ADAM32: variants seen among roughly 807,000 people sequenced by gnomAD.
ADAM32 encodes the protein ADAM metallopeptidase domain 32.
A neutral mutation model predicts 114.9 loss-of-function variants in ADAM32; 89 were observed. The observed-to-expected ratio is 0.77, with a 90% CI of 0.65 to 0.92. The LOEUF is 0.92. Ranked by LOEUF, ADAM32 falls within the 40% of genes least tolerant of loss-of-function variation. The probability of loss-of-function intolerance (pLI) is 0.00; values close to 1 mark genes in which losing one functional copy is unlikely to be tolerated. For missense variants in ADAM32, 870 were observed against 932.8 expected (o/e 0.93, Z 0.88); for synonymous variants, 285 against 307.5 (o/e 0.93, Z 0.77).
intron 19 of ADAM32, among the ~76,000 whole-genome samples, chr8:39,264,170 G>T (rs1214206377): frequency 6.6e-6 from 1 of 152,004 alleles, no homozygotes; most frequent in Non-Finnish European, 1.5e-5. Context: ...TTGTTACAGG[G>T]TTAAATTGTG....
rs558574053 is a variant in ADAM32 at position 39,210,089 on chromosome 8, G to A, written c.1053-1055G>A. Among the ~76,000 whole-genome samples, 6 of 152,294 alleles carry A rather than the reference G, an allele frequency of 3.9e-5. No homozygotes were observed. The South Asian group carries it at 1.2e-3, about 32-fold the overall frequency. On this transcript the variant is annotated intron_variant, in intron 11 of 24. Coordinates refer to ENST00000379907, the MANE Select transcript of ADAM32 (RefSeq NM_145004.7). Reference sequence around the variant, plus strand: ...GCTGGCCAAGGCTTGGCTCTATCCTGCTGGGGTGATGAATTTTCTTCTTAG... The same window carrying A: ...GCTGGCCAAGGCTTGGCTCTATCCTACTGGGGTGATGAATTTTCTTCTTAG...
chr8:39,142,043 G>T (rs575966021), intron 3 of ADAM32, among the ~76,000 whole-genome samples: 107 of 151,962 alleles, frequency 7.0e-4, no homozygotes, highest in African/African-American at 2.5e-3. Flanking sequence ...TTTTCCATTT[G>T]CTTGGTAGAT....
chr8:39,180,852 A>G (rs1226358589), intron 10 of ADAM32, among the ~76,000 whole-genome samples: 1 of 152,134 alleles, frequency 6.6e-6, no homozygotes, highest in Non-Finnish European at 1.5e-5. Context: ...AAACACGCCA[A>G]TCAGCACCCT....
intron 14 of ADAM32, 113 bp from the exon 15 acceptor site, chr8:39,231,914 A>G (rs1356998043): frequency 5.7e-6 from 5 of 877,878 alleles, no homozygotes; most frequent in African/African-American, 1.7e-5. Flanking sequence ...TCACTAGGAA[A>G]AATGTTTCAA....
chr8:39,261,653 C>T (rs987259627), intron 19 of ADAM32, among the ~76,000 whole-genome samples: 1 of 152,046 alleles, frequency 6.6e-6, no homozygotes, highest in East Asian at 1.9e-4. Flanking sequence ...TAGTGGCTAT[C>T]CTAGTTTATA....
chr8:39,197,376 G>T (rs562782569), intron 11 of ADAM32, among the ~76,000 whole-genome samples: 24 of 151,112 alleles, frequency 1.6e-4, no homozygotes, highest in African/African-American at 2.2e-4. Flanking sequence ...TTTGGGTTTG[G>T]TTTTTTCTTG....
intron 10 of ADAM32, among the ~76,000 whole-genome samples, chr8:39,173,654 C>T (rs1250424040): frequency 6.6e-6 from 1 of 152,080 alleles, no homozygotes; most frequent in Non-Finnish European, 1.5e-5. Flanking sequence ...TCTGCAGAAG[C>T]TCTTCAGTTT....
chr8:39,254,360 C>T lies in ADAM32; in HGVS notation c.1903-54C>T, dbSNP rs769462745. 82 of 1,409,430 alleles carry T rather than the reference C, an allele frequency of 5.8e-5. No homozygotes were observed. The Middle Eastern group carries it at 1.0e-3, about 18-fold the overall frequency. The allele number at this position is 1,409,430 out of a possible 1,614,324, so 87.3% of individuals were successfully genotyped here. A position where few individuals can be genotyped will look rare whatever the true frequency, so the allele number is the denominator to read the frequency against. On this transcript the variant is annotated intron_variant, in intron 17 of 24. Transcript: ENST00000379907. The stretch of plus-strand genomic sequence containing the variant: ...GTACAAAAGTAAGCTTGATGCTCAC[C>T]TTCTCTGAGAAAATATTTTAAAACA...
chr8:39,174,879 A>C (rs1805421845), intron 10 of ADAM32, among the ~76,000 whole-genome samples: 1 of 151,610 alleles, frequency 6.6e-6, no homozygotes, highest in African/African-American at 2.4e-5. Flanking sequence ...GATTTGTAGT[A>C]CTCCTTGAAG....
chr8:39,125,198 G>GT (rs1209411669), intron 2 of ADAM32, among the ~76,000 whole-genome samples: 4 of 151,818 alleles, frequency 2.6e-5, no homozygotes, highest in South Asian at 4.1e-4. Context: ...GGAGTTTTTT[G>GT]TTTTTTTCTT....
chr8:39,244,285 A>G (rs1013340053), intron 16 of ADAM32, among the ~76,000 whole-genome samples: 7 of 152,338 alleles, frequency 4.6e-5, no homozygotes, highest in Admixed American at 2.0e-4. Context: ...TTCATATGGA[A>G]CCAAAAAAGA....
chr8:39,183,933 C>G (rs1242691717), intron 10 of ADAM32, among the ~76,000 whole-genome samples: 2 of 152,150 alleles, frequency 1.3e-5, no homozygotes, highest in African/African-American at 4.8e-5. Context: ...AAATCCATAC[C>G]TGGGATACAC....
intron 10 of ADAM32, among the ~76,000 whole-genome samples, chr8:39,176,161 G>GT (rs71613057): frequency 1.5e-4 from 23 of 151,930 alleles, no homozygotes; most frequent in African/African-American, 5.6e-4. Context: ...TTTTTTGAAG[G>GT]TTTTTTTGTG....
intron 10 of ADAM32, among the ~76,000 whole-genome samples, chr8:39,171,968 T>C (rs1302778427): frequency 6.6e-6 from 1 of 151,518 alleles, no homozygotes; most frequent in Non-Finnish European, 1.5e-5. Context: ...ACTAATTCTG[T>C]AGGGCTTTTG....
At chr8:39,189,129 A>G (rs1806437110) in intron 11 of ADAM32, among the ~76,000 whole-genome samples, 1 of 152,182 alleles carries the variant, frequency 6.6e-6, no homozygotes. Flanking sequence ...TTATTTAATT[A>G]TACTTAATTC....
At chr8:39,213,915 C>T (rs1237623948) in intron 12 of ADAM32, among the ~76,000 whole-genome samples, 4 of 152,060 alleles carry the variant, frequency 2.6e-5, no homozygotes, top group Non-Finnish European at 5.9e-5. Context: ...TTTTTAGCTC[C>T]CACAAATAAG....
In ADAM32 at chr8:39,169,924, A is replaced by T; in HGVS notation, c.842A>T (p.Asp281Val). Residue 281 changes from aspartate (D) to valine (V), a missense_variant, in exon 10 of 25, where the codon GAT becomes GTT. Asp to Val is a radical substitution (Grantham distance 152, BLOSUM62 -3). Transcript: ENST00000379907. ...TAAATTTATTTATTTAGTTATATGG[A>T]TTATCCTCGTTATTTGGGAGCAGTG... is the stretch of plus-strand genomic sequence containing the variant. ...HDIAYLLIYMDYPRYLGAVFP... is the reference protein window; with the variant it reads ...HDIAYLLIYMVYPRYLGAVFP... The T allele has an allele frequency of 6.3e-7, 1 of 1,588,722 alleles. No homozygotes were observed. Among genetic ancestry groups the T allele is most frequent in the Non-Finnish European group, 8.6e-7 (1 of 1,161,530 alleles).
At chr8:39,194,180 G>T (rs1436468835) in intron 11 of ADAM32, among the ~76,000 whole-genome samples, 1 of 152,216 alleles carries the variant, frequency 6.6e-6, no homozygotes, top group Non-Finnish European at 1.5e-5. Context: ...GGGGGCACTG[G>T]TGGGTGCAGG....
intron 19 of ADAM32, among the ~76,000 whole-genome samples, chr8:39,260,360 T>C (rs1811948455): frequency 1.3e-5 from 2 of 152,204 alleles, no homozygotes; most frequent in Admixed American, 6.5e-5. Context: ...TAGTACTATG[T>C]TGAATAGAAA....
Sources: allele counts gnomAD v4.1 joint callset (sites outside exome capture counted in the v4.1 genomes callset), GRCh38; gene constraint gnomAD v4.1.1; transcripts MANE v1.5; gene names NCBI Gene and HGNC (gene_info 2026-07-23, HGNC 2026-07-21).